Variants in TMOD3 observed in about 807,000 individuals in gnomAD.
TMOD3 encodes tropomodulin-3.
TMOD3 carries 20 observed loss-of-function variants against 39.2 expected under a neutral mutation model. That is an observed-to-expected ratio of 0.51 (90% CI 0.36 to 0.74). The LOEUF (loss-of-function observed/expected upper bound fraction) is 0.74. Ranked by LOEUF, TMOD3 falls within the 30% of genes least tolerant of loss-of-function variation. The pLI is 0.00. For synonymous variants in TMOD3, 143 were observed against 145.8 expected, an observed-to-expected ratio of 0.98 and a Z score of 0.14; for missense variants, 381 against 412.8, an observed-to-expected ratio of 0.92 and a Z score of 0.67.
At chr15:51,868,272 C>T (rs967108887) in intron 2 of TMOD3, among the ~76,000 whole-genome samples, 14 of 152,020 alleles carry the variant, frequency 9.2e-5, no homozygotes, top group African/African-American at 2.9e-4. Context: ...CATATATATA[C>T]ACTGAGCAGT....
intron 3 of TMOD3, among the ~76,000 whole-genome samples, chr15:51,869,990 G>A (rs977474080): frequency 6.6e-6 from 1 of 152,190 alleles, no homozygotes; most frequent in Non-Finnish European, 1.5e-5. Context: ...CCAGGCCGGA[G>A]TGCAATGGTG....
At chr15:51,845,781 C>G (rs889807333) in intron 1 of TMOD3, among the ~76,000 whole-genome samples, 1 of 152,004 alleles carries the variant, frequency 6.6e-6, no homozygotes, top group African/African-American at 2.4e-5. Context: ...TTGGTTTCCT[C>G]TGGGTTTTGT....
rs148865010 is a variant in TMOD3, at chr15:51,892,106, C to T, written c.497-1709C>T. ...TGTGATATTTGAAAGTAACAAGATACTCTTAGATGGAATTTATTGGATAAT... is the reference window on the plus strand; with the variant it reads ...TGTGATATTTGAAAGTAACAAGATATTCTTAGATGGAATTTATTGGATAAT... On this transcript the variant is annotated intron_variant, in intron 5 of 9. Transcript: ENST00000308580. Among the ~76,000 whole-genome samples the T allele has an allele frequency of 4.0e-3, 609 of 152,182 alleles. 6 individuals carry two copies. Among genetic ancestry groups the T allele is most frequent in the African/African-American group, 0.014 (571 of 41,508 alleles).
Position 51,915,287 on chromosome 15 carries a change from T to A in TMOD3, c.*6477T>A, listed in dbSNP as rs1048674599. ...AAGATAAGCTTTTGATTCAGTGGTT[T>A]CAAATTTTCAGATCAATCCATTTAA... On this transcript the variant is annotated 3_prime_UTR_variant, in exon 10 of 10. Transcript: ENST00000308580. 1.3e-5 allele frequency: 2 copies of A among 152,194 alleles called. No homozygotes were observed. The highest frequency in any genetic ancestry group is 4.8e-5 in the African/African-American group (2 of 41,452). 9.4% of individuals were successfully genotyped at this position (152,194 alleles called of 1,614,324 possible).
At chr15:51,904,801 C>T (rs2052706) in intron 9 of TMOD3, among the ~76,000 whole-genome samples, 64,339 of 151,978 alleles carry the variant, frequency 0.42, 13,827 homozygotes, top group Admixed American at 0.51. Flanking sequence ...ATGAAAACCA[C>T]TTCCTAGGCT....
At chr15:51,901,871 C>A (rs1382875569) in intron 8 of TMOD3, 21 bp from the exon 9 acceptor site, 1 of 1,604,746 alleles carries the variant, frequency 6.2e-7, no homozygotes. Context: ...TAATATTGTT[C>A]TTTTTTTCTA....
At chr15:51,863,198 A>G (rs12593708) in intron 2 of TMOD3, among the ~76,000 whole-genome samples, 188 bp downstream of exon 2, 54,739 of 152,014 alleles carry the variant, frequency 0.36, 10,338 homozygotes, top group Middle Eastern at 0.43. Flanking sequence ...TAATGACATG[A>G]CTGTCCTAAA....
Position 51,893,873 on chromosome 15 carries a change from T to C in TMOD3, c.555T>C (p.Asn185=), listed in dbSNP as rs1470540340. The part of the protein sequence containing the change: ...PVFDEPPNPT[N]VEESLKRTKE... The stretch of plus-strand genomic sequence containing the variant: ...TTGATGAGCCACCAAATCCAACCAA[T>C]GTAGAAGAGAGTTTGAAGAGAACTA... Residue 185 remains asparagine, a synonymous_variant, in exon 6 of 10, where the codon AAT becomes AAC. Coordinates refer to ENST00000308580, the MANE Select transcript of TMOD3 (RefSeq NM_014547.5). The C allele has an allele frequency of 1.9e-5, 31 of 1,611,068 alleles. No individual in the cohort carries two copies.
chr15:51,883,963 G>C (rs992261672), intron 3 of TMOD3, among the ~76,000 whole-genome samples: 12 of 152,146 alleles, frequency 7.9e-5, no homozygotes, highest in African/African-American at 2.9e-4. Context: ...TAATGATTTG[G>C]ATTTCTCTTT....
rs917599196 is a variant in TMOD3 at position 51,912,502 on chromosome 15, T to C, written c.*3692T>C. Reference sequence around the variant, plus strand: ...TGTACGTTATATTTAACTCTTGCTGTCATTAAAATAAGATGACAACATTTA... The same window carrying C: ...TGTACGTTATATTTAACTCTTGCTGCCATTAAAATAAGATGACAACATTTA... On this transcript the variant is annotated 3_prime_UTR_variant, in exon 10 of 10. Coordinates refer to ENST00000308580, the MANE Select transcript of TMOD3 (RefSeq NM_014547.5). 6.6e-6 allele frequency: 1 copy of C among 152,056 alleles called. No individual in the cohort carries two copies. Among genetic ancestry groups the C allele is most frequent in the Non-Finnish European group, 1.5e-5 (1 of 68,022 alleles). 9.4% of individuals were successfully genotyped at this position (152,056 alleles called of 1,614,324 possible). A position where few individuals can be genotyped will look rare whatever the true frequency, so the allele number is the denominator to read the frequency against.
At chr15:51,847,683 C>T (rs2056342514) in intron 1 of TMOD3, among the ~76,000 whole-genome samples, 1 of 152,140 alleles carries the variant, frequency 6.6e-6, no homozygotes. Flanking sequence ...CTTTGAGGGT[C>T]TGAAGCAGGA....
intron 3 of TMOD3, chr15:51,875,198 T>C (rs2056495797): frequency 1.3e-5 from 2 of 152,156 alleles, no homozygotes; most frequent in Admixed American, 1.3e-4. Context: ...AGAAAGATCA[T>C]GATTATAAAC....
intron 1 of TMOD3, among the ~76,000 whole-genome samples, chr15:51,852,983 A>G (rs1163461844): frequency 6.6e-6 from 1 of 152,234 alleles, no homozygotes; most frequent in Non-Finnish European, 1.5e-5. Context: ...TTATCTTTAC[A>G]GAGACACAAT....
chr15:51,838,150 C>G (rs1332130514), intron 1 of TMOD3, among the ~76,000 whole-genome samples: 2 of 152,066 alleles, frequency 1.3e-5, no homozygotes, highest in Non-Finnish European at 2.9e-5. Context: ...CCTGGATTCC[C>G]TCCCAGCTCC....
intron 7 of TMOD3, among the ~76,000 whole-genome samples, chr15:51,898,489 T>C (rs2056632719): frequency 6.6e-6 from 1 of 152,228 alleles, no homozygotes; most frequent in African/African-American, 2.4e-5. Context: ...CCAGCTAGAA[T>C]GAACATTCTG....
In TMOD3 at chr15:51,886,037, C is replaced by G. The variant is rs575815990; in HGVS notation, c.284-1552C>G. ...CCTCACTTCCCAGACGGGGTGGCTG[C>G]CGGGCGGAGGGGCTCCTCACTTCTC... On this transcript the variant is annotated intron_variant, in intron 3 of 9. Transcript: ENST00000308580. Among the ~76,000 whole-genome samples the G allele has an allele frequency of 3.9e-3, 592 of 151,432 alleles. 2 individuals carry two copies. The highest frequency in any genetic ancestry group is 6.2e-3 in the Admixed American group (95 of 15,236).
intron 5 of TMOD3, among the ~76,000 whole-genome samples, chr15:51,891,667 C>T (rs2056594083): frequency 6.6e-6 from 1 of 152,004 alleles, no homozygotes; most frequent in Admixed American, 6.6e-5. Context: ...TCTTTCCCCA[C>T]TCCACAGGAT....
intron 5 of TMOD3, among the ~76,000 whole-genome samples, 190 bp from the exon 6 acceptor site, chr15:51,893,625 C>T (rs1210982038): frequency 6.6e-6 from 1 of 152,044 alleles, no homozygotes; most frequent in Non-Finnish European, 1.5e-5. Flanking sequence ...ATTAGCTGGG[C>T]GTGGTGGCAG....
intron 1 of TMOD3, among the ~76,000 whole-genome samples, chr15:51,854,854 A>G (rs892190516): frequency 6.6e-6 from 1 of 152,260 alleles, no homozygotes; most frequent in African/African-American, 2.4e-5. Context: ...ATTCTTATAG[A>G]AAGCTAAAAT....
Sources: allele counts gnomAD v4.1 joint callset (sites outside exome capture counted in the v4.1 genomes callset), GRCh38; gene constraint gnomAD v4.1.1; transcripts MANE v1.5; gene names NCBI Gene and HGNC (gene_info 2026-07-23, HGNC 2026-07-21).